Variants in PITPNM3 observed in about 807,000 individuals in gnomAD.
PITPNM3 encodes PITPNM family member 3.
In PITPNM3, 26 loss-of-function variants were observed where a neutral mutation model predicts 102.0. The observed-to-expected ratio is 0.25, with a 90% CI of 0.19 to 0.35. PITPNM3 has a LOEUF of 0.35. PITPNM3 is among the 10% of genes least tolerant of loss of function. The probability of loss-of-function intolerance (pLI) is 1.00; values close to 1 mark genes in which losing one functional copy is unlikely to be tolerated. For synonymous variants in PITPNM3, 578 were observed against 558.6 expected (o/e 1.03, Z -0.49); for missense variants, 1,083 against 1,346.1 (o/e 0.80, Z 3.06).
Position 6,458,072 on chromosome 17 carries a change from C to T in PITPNM3, c.2491-350G>A, listed in dbSNP as rs144464685. Among the ~76,000 whole-genome samples, 1 of 152,260 alleles carries T rather than the reference C, an allele frequency of 6.6e-6. No homozygotes were observed. The highest frequency in any genetic ancestry group is 2.4e-5 in the African/African-American group (1 of 41,556). ...TGGCTCACAGGGCCAGGACTGGAGG[C>T]CAGTTCTGCCTGGCTCCTGATCCTG... On this transcript the variant is annotated intron_variant, in intron 18 of 19. Transcript: ENST00000262483. This position sits in a 1 kb window ranked among gnomAD's most constrained non-coding sequence, Gnocchi z 5.1.
chr17:6,466,505 C>T (rs1040790380), intron 14 of PITPNM3, among the ~76,000 whole-genome samples: 2 of 152,124 alleles, frequency 1.3e-5, no homozygotes. Flanking sequence ...ATCCGGCATC[C>T]CGAGTCATTA....
intron 1 of PITPNM3, among the ~76,000 whole-genome samples, chr17:6,555,218 C>T (rs1437851430): frequency 6.6e-6 from 1 of 152,222 alleles, no homozygotes; most frequent in Non-Finnish European, 1.5e-5. Flanking sequence ...CGGCCCCACC[C>T]CGACAGGACT....
Position 6,468,974 on chromosome 17 carries a change from G to A in PITPNM3, c.1774-633C>T, listed in dbSNP as rs546473197. Among the ~76,000 whole-genome samples the A allele has an allele frequency of 4.0e-5, 6 of 151,860 alleles. No homozygotes were observed. In the East Asian group the frequency reaches 5.9e-4, roughly 15 times the overall value. ...GGGTTCTTCTCCATCACTCCTCTAC[G>A]GAAGCCATTCTTGCCACTGCCCCGG... On this transcript the variant is annotated intron_variant, in intron 13 of 19. Coordinates refer to ENST00000262483, the MANE Select transcript of PITPNM3 (RefSeq NM_031220.4). The surrounding 1 kb of genome is among the most constrained non-coding windows in gnomAD (Gnocchi z 5.2).
At chr17:6,547,164 A>G (rs1483502366) in intron 1 of PITPNM3, among the ~76,000 whole-genome samples, 2 of 152,150 alleles carry the variant, frequency 1.3e-5, no homozygotes, top group African/African-American at 4.8e-5. Context: ...CTCAGAGGAG[A>G]AAACTGATGT....
chr17:6,532,472 T>C (rs1256622536), intron 2 of PITPNM3, among the ~76,000 whole-genome samples: 3 of 152,146 alleles, frequency 2.0e-5, no homozygotes, highest in Non-Finnish European at 2.9e-5. Context: ...AGTTCTCTCC[T>C]GCCCCTATTT....
chr17:6,455,305 C>G lies in PITPNM3; in HGVS notation c.*33G>C. 6.5e-7 allele frequency: 1 copy of G among 1,538,082 alleles called. No individual in the cohort carries two copies. Among genetic ancestry groups the G allele is most frequent in the Non-Finnish European group, 8.7e-7 (1 of 1,145,722 alleles). ...GTCCCCGCAGGCAGCCTGATTGGGC[C>G]CCCCGCTCCCTGCTCTGAGCACAGC... On this transcript the variant is annotated 3_prime_UTR_variant, in exon 20 of 20. Transcript: ENST00000262483.
chr17:6,551,713 T>G (rs1158969227), intron 1 of PITPNM3, among the ~76,000 whole-genome samples: 2 of 151,456 alleles, frequency 1.3e-5, no homozygotes, highest in African/African-American at 4.8e-5. Flanking sequence ...CCCATCGTTA[T>G]GAAAAAAAAA....
intron 1 of PITPNM3, among the ~76,000 whole-genome samples, chr17:6,555,861 C>T (rs1165835134): frequency 6.6e-6 from 1 of 152,062 alleles, no homozygotes; most frequent in African/African-American, 2.4e-5. Flanking sequence ...GCGGGGCGGC[C>T]AGCAGCCGGC....
At position 6,471,158 on chromosome 17, in the gene PITPNM3, CA is replaced by C. The variant is rs1379159850; in HGVS notation, c.1624+2del. 1 of 1,612,100 alleles carries C rather than the reference CA, an allele frequency of 6.2e-7. No homozygotes were observed. The highest frequency in any genetic ancestry group is 8.5e-7 in the Non-Finnish European group (1 of 1,179,962). ...GGCAGGGCCCCAAAAGGACCTCACTCACTGCGGGAGGCACCCACGGGTGCCA... is the reference window on the plus strand; with the variant it reads ...GGCAGGGCCCCAAAAGGACCTCACTCCTGCGGGAGGCACCCACGGGTGCCA... On this transcript the variant is annotated splice_donor_variant, in intron 12 of 19. Transcript: ENST00000262483. LOFTEE classifies it high-confidence loss of function.
In PITPNM3 at chr17:6,457,583, C is replaced by T; in HGVS notation, c.2619+11G>A. ...TCACAACTCCCCGCCTCCAGCCCCG[C>T]CTCCACCCACCTGGCACTGGGTTTG... On this transcript the variant is annotated intron_variant, in intron 19 of 19. Coordinates refer to ENST00000262483, the MANE Select transcript of PITPNM3 (RefSeq NM_031220.4). The surrounding 1 kb of genome is among the most constrained non-coding windows in gnomAD (Gnocchi z 4.7). 6.2e-7 allele frequency: 1 copy of T among 1,613,398 alleles called. No individual in the cohort carries two copies. The highest frequency in any genetic ancestry group is 8.5e-7 in the Non-Finnish European group (1 of 1,179,778).
chr17:6,465,613 G>C (rs908710200), intron 14 of PITPNM3, among the ~76,000 whole-genome samples: 5 of 152,208 alleles, frequency 3.3e-5, no homozygotes, highest in African/African-American at 1.2e-4. Flanking sequence ...TGGCCATCCT[G>C]GTTTCGTTCT....
At chr17:6,546,992 G>C (rs140321747) in intron 1 of PITPNM3, among the ~76,000 whole-genome samples, 4,685 of 151,636 alleles carry the variant, frequency 0.031, 120 homozygotes, top group Middle Eastern at 0.13. Flanking sequence ...GGGTGACAGA[G>C]CAAGACTCCG....
At chr17:6,548,396 G>A (rs116351377) in intron 1 of PITPNM3, among the ~76,000 whole-genome samples, 2,057 of 152,200 alleles carry the variant, frequency 0.014, 31 homozygotes, top group African/African-American at 0.04. Context: ...ACACACACCC[G>A]AACTGGGCAG....
Position 6,537,063 on chromosome 17 carries a change from T to C in PITPNM3, c.118+924A>G, listed in dbSNP as rs898138907. 6.6e-6 allele frequency among the ~76,000 whole-genome samples: 1 copy of C among 152,114 alleles called. No homozygotes were observed. The highest frequency in any genetic ancestry group is 1.5e-5 in the Non-Finnish European group (1 of 68,010). Reference sequence around the variant, plus strand: ...CTTCAAGGCTGATCTCTGCCTGAAATGTCCACCCCTTTGGATGCCCCTTTC... The same window carrying C: ...CTTCAAGGCTGATCTCTGCCTGAAACGTCCACCCCTTTGGATGCCCCTTTC... On this transcript the variant is annotated intron_variant, in intron 2 of 19. Transcript: ENST00000262483. This position sits in a 1 kb window ranked among gnomAD's most constrained non-coding sequence, Gnocchi z 4.4.
Position 6,529,790 on chromosome 17 carries a change from C to T in PITPNM3, c.119-4327G>A, listed in dbSNP as rs548152662. Among the ~76,000 whole-genome samples the T allele has an allele frequency of 2.6e-5, 4 of 152,326 alleles. No homozygotes were observed. In the East Asian group the frequency reaches 7.7e-4, roughly 29 times the overall value. The stretch of plus-strand genomic sequence containing the variant: ...CAAGATTGCTCACATTCACCTTGCA[C>T]TGCCTACCACATGCCCCCATGGCCC... On this transcript the variant is annotated intron_variant, in intron 2 of 19. Transcript: ENST00000262483.
At position 6,478,465 on chromosome 17, in the gene PITPNM3, C is replaced by T. The variant is rs1905451515; in HGVS notation, c.777+82G>A. The T allele has an allele frequency of 6.5e-7, 1 of 1,543,148 alleles. No individual in the cohort carries two copies. The highest frequency in any genetic ancestry group is 1.1e-5 in the South Asian group (1 of 87,686). On this transcript the variant is annotated intron_variant, in intron 7 of 19. Coordinates refer to ENST00000262483, the MANE Select transcript of PITPNM3 (RefSeq NM_031220.4). The surrounding 1 kb of genome is among the most constrained non-coding windows in gnomAD (Gnocchi z 4.4). ...TGATTCGAGAACAGCCTGGCCTTGG[C>T]CCTTTCAGTAGATTCCAGCCTCTCT...
intron 4 of PITPNM3, among the ~76,000 whole-genome samples, chr17:6,502,895 T>G (rs752686067): frequency 2.0e-5 from 3 of 151,944 alleles, no homozygotes; most frequent in Non-Finnish European, 4.4e-5. Flanking sequence ...CCAGGTCCAA[T>G]GCTGTGCTCA....
intron 4 of PITPNM3, among the ~76,000 whole-genome samples, chr17:6,485,208 G>A (rs1906009984): frequency 6.6e-6 from 1 of 150,754 alleles, no homozygotes; most frequent in South Asian, 2.1e-4. Context: ...GCCCAGGCTG[G>A]AGTGCAATGG....
At chr17:6,460,945 T>A (rs1231812348) in intron 18 of PITPNM3, 2 of 292,816 alleles carry the variant, frequency 6.8e-6, no homozygotes, top group African/African-American at 4.4e-5. Context: ...GTGGGAACCA[T>A]AGCTTCGGTC....
Sources: gnomAD v4.1 joint callset for allele counts (sites outside exome capture counted in the v4.1 genomes callset) on GRCh38, gnomAD v4.1.1 for gene constraint, Gnocchi (gnomAD v3.1) non-coding constraint, MANE v1.5 for transcripts, NCBI Gene and HGNC (gene_info 2026-07-23, HGNC 2026-07-21) for gene names.